SCOC: variants seen among roughly 807,000 people sequenced by gnomAD.
SCOC encodes the protein short coiled-coil protein.
SCOC carries 7 observed loss-of-function variants against 9.9 expected under a neutral mutation model. The ratio of observed to expected loss-of-function variants is 0.71; its 90% CI spans 0.40 to 1.33. SCOC has a LOEUF of 1.33. Among genes scored for constraint, SCOC ranks in the 40% most tolerant of loss-of-function variants. The pLI is 0.01. For missense variants in SCOC, 66 were observed against 89.7 expected (o/e 0.74, Z 1.07); for synonymous variants, 19 against 28.2 (o/e 0.67, Z 1.03).
intron 1 of SCOC, among the ~76,000 whole-genome samples, chr4:140,261,682 A>G (rs1448458356): frequency 6.6e-6 from 1 of 152,264 alleles, no homozygotes; most frequent in Non-Finnish European, 1.5e-5. Context: ...ATCATGTACC[A>G]GTTACAAAGT....
intron 2 of SCOC, among the ~76,000 whole-genome samples, chr4:140,368,580 A>G (rs777475405): frequency 1.1e-4 from 17 of 152,336 alleles, no homozygotes; most frequent in Admixed American, 2.0e-4. Context: ...CTGGAAGAAA[A>G]GAACACAGAA....
chr4:140,348,909 T>G (rs1726858082), intron 2 of SCOC, among the ~76,000 whole-genome samples: 1 of 152,162 alleles, frequency 6.6e-6, no homozygotes. Flanking sequence ...ATCCTAACAG[T>G]TGGGAGATGT....
intron 1 of SCOC, chr4:140,293,569 T>C (rs977816599): frequency 1.1e-5 from 4 of 363,670 alleles, no homozygotes; most frequent in East Asian, 7.3e-5. Context: ...TTTAGGTAAG[T>C]CTTGGCCAGG....
intron 1 of SCOC, chr4:140,291,313 TTTTAC>T (rs1396641570): frequency 4.8e-6 from 2 of 418,300 alleles, no homozygotes; most frequent in Non-Finnish European, 4.9e-6. Context: ...GACATTTGTC[TTTTAC>T]TTTAGAGATT....
intron 2 of SCOC, among the ~76,000 whole-genome samples, chr4:140,364,374 G>C (rs1002641162): frequency 6.6e-6 from 1 of 152,108 alleles, no homozygotes; most frequent in Admixed American, 6.5e-5. Context: ...CCAATCAAGA[G>C]ACAGCAGACA....
chr4:140,360,317 C>A (rs1342508132), intron 2 of SCOC, among the ~76,000 whole-genome samples: 1 of 152,176 alleles, frequency 6.6e-6, no homozygotes, highest in Non-Finnish European at 1.5e-5. Flanking sequence ...AGGCTTTTGT[C>A]ACTAATAGTT....
chr4:140,379,962 CA>C (rs1319545521), intron 3 of SCOC, among the ~76,000 whole-genome samples: 6 of 152,044 alleles, frequency 3.9e-5, no homozygotes, highest in Admixed American at 1.3e-4. Context: ...AAAGTAAAAA[CA>C]ATGTATTAGC....
intron 1 of SCOC, among the ~76,000 whole-genome samples, chr4:140,377,492 TATTAA>T (rs968290714): frequency 2.6e-5 from 4 of 152,236 alleles, no homozygotes; most frequent in Non-Finnish European, 5.9e-5. Context: ...TATTCAGCAT[TATTAA>T]ATTAATTGTA....
chr4:140,266,269 G>A (rs1295479126), intron 1 of SCOC, among the ~76,000 whole-genome samples: 1 of 152,170 alleles, frequency 6.6e-6, no homozygotes, highest in African/African-American at 2.4e-5. Context: ...TTTCTTGGGG[G>A]TGTGAGTCAG....
chr4:140,353,691 C>A (rs1283260469), intron 2 of SCOC, among the ~76,000 whole-genome samples: 3 of 152,188 alleles, frequency 2.0e-5, no homozygotes, highest in Non-Finnish European at 4.4e-5. Flanking sequence ...AGCCACCATG[C>A]CGGCCTAGTA....
upstream of SCOC, among the ~76,000 whole-genome samples, chr4:140,338,716 A>C (rs1173489787): frequency 6.6e-6 from 1 of 152,220 alleles, no homozygotes; most frequent in Non-Finnish European, 1.5e-5. Flanking sequence ...CAAAGAGAAT[A>C]AAATACCTAG....
chr4:140,273,305 G>T (rs1027063680), intron 1 of SCOC, among the ~76,000 whole-genome samples: 1 of 152,290 alleles, frequency 6.6e-6, no homozygotes. Flanking sequence ...AATAGGAAAT[G>T]ATGTTTTACT....
chr4:140,338,880 T>C (rs972997643), upstream of SCOC, among the ~76,000 whole-genome samples: 9 of 152,156 alleles, frequency 5.9e-5, no homozygotes, highest in African/African-American at 2.2e-4. Context: ...CTGCCCAAGG[T>C]AATTTATAGA....
At chr4:140,323,450 C>G (rs1732557926) in intron 1 of SCOC, among the ~76,000 whole-genome samples, 1 of 152,146 alleles carries the variant, frequency 6.6e-6, no homozygotes, top group South Asian at 2.1e-4. Context: ...GACTAATACA[C>G]TGATTCTTAG....
chr4:140,360,456 T>C (rs1727415520), intron 2 of SCOC, among the ~76,000 whole-genome samples: 1 of 152,230 alleles, frequency 6.6e-6, no homozygotes, highest in South Asian at 2.1e-4. Flanking sequence ...GTTCCCAGTG[T>C]ACCTAACGTT....
At chr4:140,374,264 C>T in intron 1 of SCOC, 1 of 429,910 alleles carries the variant, frequency 2.3e-6, no homozygotes. Flanking sequence ...TCCTGCTGAA[C>T]AAGTTTTGGG....
intron 1 of SCOC, among the ~76,000 whole-genome samples, chr4:140,263,095 A>C (rs752435886): frequency 6.6e-6 from 1 of 152,204 alleles, no homozygotes; most frequent in Non-Finnish European, 1.5e-5. Context: ...GCACAGGCAA[A>C]TTAAAATCCT....
chr4:140,379,622 C>G lies in SCOC; in HGVS notation c.76C>G (p.Gln26Glu), dbSNP rs773507274. 2.5e-6 allele frequency: 4 copies of G among 1,612,474 alleles called. No homozygotes were observed. The change falls in exon 3 of 4, where the codon CAA (glutamine) becomes GAA (glutamate). Residue 26 changes from glutamine to glutamate, a missense_variant. Transcript: ENST00000608372. ...GGAGGAAAAAACAAGACTTATTAAT[C>G]AAGTGTTGGAACTCCAACACACACT... Reference protein sequence around the residue: ...ELEEKTRLINQVLELQHTLED... With the variant: ...ELEEKTRLINEVLELQHTLED...
At chr4:140,323,462 TAA>T (rs1302351327) in intron 1 of SCOC, among the ~76,000 whole-genome samples, 2 of 152,130 alleles carry the variant, frequency 1.3e-5, no homozygotes, top group African/African-American at 4.8e-5. Flanking sequence ...GATTCTTAGA[TAA>T]AGTCATAAAT....
Sources: gnomAD v4.1 joint callset for allele counts (sites outside exome capture counted in the v4.1 genomes callset) on GRCh38, gnomAD v4.1.1 for gene constraint, MANE v1.5 for transcripts, NCBI Gene and HGNC (gene_info 2026-07-23, HGNC 2026-07-21) for gene names.